The following FLT4 variants were observed in gnomAD, a reference collection of about 807,000 sequenced individuals.
FLT4 encodes vascular endothelial growth factor receptor 3.
A neutral mutation model predicts 163.2 loss-of-function variants in FLT4; 30 were observed. The ratio of observed to expected loss-of-function variants is 0.18; its 90% CI spans 0.14 to 0.25. FLT4 has a LOEUF of 0.25. FLT4 is among the 10% of genes least tolerant of loss of function. The probability of loss-of-function intolerance (pLI) is 1.00; values close to 1 mark genes in which losing one functional copy is unlikely to be tolerated. For synonymous variants in FLT4, 884 were observed against 789.5 expected (o/e 1.12, Z -2.01); for missense variants, 1,510 against 1,863.8 (o/e 0.81, Z 3.50).
chr5:180,602,401 G>T lies in FLT4; in HGVS notation c.*791C>A. 1 of 371,804 alleles carries T rather than the reference G, an allele frequency of 2.7e-6. No individual in the cohort carries two copies. The highest frequency in any genetic ancestry group is 4.8e-6 in the Non-Finnish European group (1 of 209,328). 23.0% of individuals were successfully genotyped at this position (371,804 alleles called of 1,614,324 possible). On this transcript the variant is annotated 3_prime_UTR_variant, in exon 30 of 30. Transcript: ENST00000261937. Reference sequence around the variant, plus strand: ...CTCTGCTGGCCTTGACCTGGGGCGGGGGTCAGAGTCATCTAGACTCAGTAC... The same window carrying T: ...CTCTGCTGGCCTTGACCTGGGGCGGTGGTCAGAGTCATCTAGACTCAGTAC...
chr5:180,632,140 T>G (rs531746923), intron 1 of FLT4, among the ~76,000 whole-genome samples: 182 of 152,278 alleles, frequency 1.2e-3, no homozygotes, highest in African/African-American at 3.8e-3. Context: ...TCACGGCCCC[T>G]GCAGTGCTGC....
chr5:180,609,228 G>T, intron 28 of FLT4, 175 bp from the exon 29 acceptor site: 1 of 654,160 alleles, frequency 1.5e-6, no homozygotes. Flanking sequence ...AGGGTCACAT[G>T]CCCCTGCCAC....
chr5:180,634,612 G>T (rs1764411098), intron 1 of FLT4, among the ~76,000 whole-genome samples: 1 of 148,490 alleles, frequency 6.7e-6, no homozygotes, highest in South Asian at 2.1e-4. Context: ...GGAGAATGGC[G>T]TGAAGCCGGG....
intron 1 of FLT4, among the ~76,000 whole-genome samples, chr5:180,634,240 C>A (rs750057173): frequency 4.6e-5 from 7 of 152,334 alleles, no homozygotes; most frequent in Admixed American, 1.3e-4. Context: ...CTAGTTCAGA[C>A]GCCCTCATCA....
At chr5:180,634,452 C>T (rs1764400177) in intron 1 of FLT4, among the ~76,000 whole-genome samples, 2 of 152,096 alleles carry the variant, frequency 1.3e-5, no homozygotes, top group African/African-American at 4.8e-5. Context: ...CCTGTCATCC[C>T]AGCACTTTGG....
chr5:180,613,155 G>T (rs761577810), intron 24 of FLT4, 45 bp from the exon 25 acceptor site: 19 of 1,397,860 alleles, frequency 1.4e-5, no homozygotes, highest in Non-Finnish European at 1.7e-5. Flanking sequence ...GCCTCCTGCG[G>T]CTCAGCCCAG....
intron 1 of FLT4, among the ~76,000 whole-genome samples, chr5:180,643,019 A>G (rs957705122): frequency 2.0e-5 from 3 of 152,246 alleles, no homozygotes; most frequent in African/African-American, 7.2e-5. Flanking sequence ...AACGCATTCC[A>G]AAACACATGA....
Position 180,649,599 on chromosome 5 carries a change from G to A in FLT4, c.-54C>T, listed in dbSNP as rs1367530377. 2 of 1,132,900 alleles carry A rather than the reference G, an allele frequency of 1.8e-6. No homozygotes were observed. Among genetic ancestry groups the A allele is most frequent in the Non-Finnish European group, 1.1e-6 (1 of 905,934 alleles). 70.2% of individuals were successfully genotyped at this position (1,132,900 alleles called of 1,614,324 possible). On this transcript the variant is annotated 5_prime_UTR_variant, in exon 1 of 30. Transcript: ENST00000261937. ...GAGCGGCCGCGGCTCGGGGCTGAAA[G>A]TGTCCGCGCGGGCGCCGGCTGGCCT... is the stretch of plus-strand genomic sequence containing the variant.
rs767945020 is a variant in FLT4 at position 180,621,111 on chromosome 5, T to G, written c.2162A>C (p.Lys721Thr). The change falls in exon 14 of 30, where the codon AAG (lysine) becomes ACG (threonine). Residue 721 changes from lysine (K) to threonine (T), a missense_variant. Around this residue, in one of 5 missense-constraint regions of FLT4, gnomAD observed 878 missense variants for 1,016.7 expected, o/e 0.86. Transcript: ENST00000261937. ...WYKDERLLEE[K>T]SGVDLADSNQ... ...GCCAGGGCCACCCTCCCTACCAGACTTTTCCTCCAGCAGCCTCTCGTCTTT... is the reference window on the plus strand; with the variant it reads ...GCCAGGGCCACCCTCCCTACCAGACGTTTCCTCCAGCAGCCTCTCGTCTTT... 6.2e-7 allele frequency: 1 copy of G among 1,612,730 alleles called. No homozygotes were observed. Among genetic ancestry groups the G allele is most frequent in the Non-Finnish European group, 8.5e-7 (1 of 1,179,960 alleles).
In FLT4 at chr5:180,627,981, C is replaced by T. The variant is rs559075037; in HGVS notation, c.1103+901G>A. ...CCTGGGCCTTCCATCCCAGGAGAGA[C>T]GAGCCCCCAGCCAGTGCAAGGGGCC... On this transcript the variant is annotated intron_variant, in intron 8 of 29. Coordinates refer to ENST00000261937, the MANE Select transcript of FLT4 (RefSeq NM_182925.5). Among the ~76,000 whole-genome samples, 7 of 152,212 alleles carry T rather than the reference C, an allele frequency of 4.6e-5. No individual in the cohort carries two copies. In the East Asian group the frequency reaches 5.8e-4, roughly 13 times the overall value.
At chr5:180,646,884 A>G (rs1306409288) in intron 1 of FLT4, among the ~76,000 whole-genome samples, 2 of 152,138 alleles carry the variant, frequency 1.3e-5, no homozygotes, top group Non-Finnish European at 2.9e-5. Flanking sequence ...ATGCTCTGGG[A>G]GGGCTCAGGA....
Position 180,611,417 on chromosome 5 carries a change from C to T in FLT4, c.3600G>A (p.Ser1200=), listed in dbSNP as rs779186080. The T allele has an allele frequency of 1.1e-5, 17 of 1,613,870 alleles. No homozygotes were observed. The South Asian group carries it at 1.3e-4, about 13-fold the overall frequency. ...SSQSSEEGSF[S]QVSTMALHIA... Reference sequence around the variant, plus strand: ...TGTGTAGGGCCATGGTGGACACCTGCGAGAAGCTGCCCTCTTCTGAGCTCT... The same window carrying T: ...TGTGTAGGGCCATGGTGGACACCTGTGAGAAGCTGCCCTCTTCTGAGCTCT... The change falls in exon 27 of 30, where the codon TCG becomes TCA. Residue 1200 remains serine, a synonymous_variant. Transcript: ENST00000261937.
Position 180,603,540 on chromosome 5 carries a change from C to T in FLT4, c.3894-150G>A, listed in dbSNP as rs1044735329. 2.1e-5 allele frequency: 15 copies of T among 731,300 alleles called. No homozygotes were observed. In the Admixed American group the frequency reaches 2.6e-4, roughly 13 times the overall value. 45.3% of individuals were successfully genotyped at this position (731,300 alleles called of 1,614,324 possible). A position where few individuals can be genotyped will look rare whatever the true frequency, so the allele number is the denominator to read the frequency against. ...CAGCCCAGGCAACATGGGGAAACCCCGTCTCTACAAAAAATACAAAAATTA... is the reference window on the plus strand; with the variant it reads ...CAGCCCAGGCAACATGGGGAAACCCTGTCTCTACAAAAAATACAAAAATTA... On this transcript the variant is annotated intron_variant, in intron 29 of 29. Transcript: ENST00000261937.
In FLT4 at chr5:180,620,769, C is replaced by T. The variant is rs1338438270; in HGVS notation, c.2300-54G>A. 4 of 1,595,836 alleles carry T rather than the reference C, an allele frequency of 2.5e-6. No individual in the cohort carries two copies. The highest frequency in any genetic ancestry group is 2.7e-5 in the African/African-American group (2 of 74,566). Reference sequence around the variant, plus strand: ...GTGTGTGTGTGTGTAAGAGCGTGCACCTGCAGGCAGCACCCCTTCTGGTGG... The same window carrying T: ...GTGTGTGTGTGTGTAAGAGCGTGCATCTGCAGGCAGCACCCCTTCTGGTGG... On this transcript the variant is annotated intron_variant, in intron 15 of 29. Transcript: ENST00000261937. The surrounding 1 kb of genome is among the most constrained non-coding windows in gnomAD (Gnocchi z 4.4).
Position 180,601,808 on chromosome 5 carries a change from C to T in FLT4, c.*1384G>A, listed in dbSNP as rs1283494244. The T allele has an allele frequency of 4.3e-6, 1 of 233,330 alleles. No homozygotes were observed. Among genetic ancestry groups the T allele is most frequent in the Non-Finnish European group, 8.5e-6 (1 of 118,112 alleles). The allele number at this position is 233,330 out of a possible 1,614,324, so 14.5% of individuals were successfully genotyped here. A position where few individuals can be genotyped will look rare whatever the true frequency, so the allele number is the denominator to read the frequency against. On this transcript the variant is annotated 3_prime_UTR_variant, in exon 30 of 30. Coordinates refer to ENST00000261937, the MANE Select transcript of FLT4 (RefSeq NM_182925.5). ...GACCTTATACGTGCACTCGGCATATCCTGGAGTAACGCGCAGTGGGGGAGG... is the reference window on the plus strand; with the variant it reads ...GACCTTATACGTGCACTCGGCATATTCTGGAGTAACGCGCAGTGGGGGAGG...
chr5:180,602,208 T>G lies in FLT4; in HGVS notation c.*984A>C, dbSNP rs1761551882. On this transcript the variant is annotated 3_prime_UTR_variant, in exon 30 of 30. Coordinates refer to ENST00000261937, the MANE Select transcript of FLT4 (RefSeq NM_182925.5). ...TGTGCCAGCCCCGAGCCTTCCTGAG[T>G]GGATCCCACAGTGTTCATCTCTCAT... is the stretch of plus-strand genomic sequence containing the variant. 4.2e-6 allele frequency: 1 copy of G among 236,968 alleles called. No individual in the cohort carries two copies. The highest frequency in any genetic ancestry group is 2.2e-5 in the African/African-American group (1 of 45,414). 14.7% of individuals were successfully genotyped at this position (236,968 alleles called of 1,614,324 possible).
chr5:180,620,763 C>T lies in FLT4; in HGVS notation c.2300-48G>A, dbSNP rs772616751. 7 of 1,586,112 alleles carry T rather than the reference C, an allele frequency of 4.4e-6. No individual in the cohort carries two copies. The highest frequency in any genetic ancestry group is 2.2e-5 in the South Asian group (2 of 90,100). On this transcript the variant is annotated intron_variant, in intron 15 of 29. Transcript: ENST00000261937. The surrounding 1 kb of genome is among the most constrained non-coding windows in gnomAD (Gnocchi z 4.4). ...GCGTGTGTGTGTGTGTGTGTAAGAG[C>T]GTGCACCTGCAGGCAGCACCCCTTC... is the stretch of plus-strand genomic sequence containing the variant.
chr5:180,603,474 G>T (rs2127781927), intron 29 of FLT4, 84 bp from the exon 30 acceptor site: 1 of 1,262,196 alleles, frequency 7.9e-7, no homozygotes, highest in Non-Finnish European at 1.1e-6. Context: ...GTACTTGGGA[G>T]GCCTAGGCAG....
chr5:180,619,503 C>T (rs763190226), intron 18 of FLT4, 137 bp from the exon 19 acceptor site: 1 of 950,260 alleles, frequency 1.1e-6, no homozygotes. Flanking sequence ...AGAGGGGGTT[C>T]GGGTGGTCCC....
Sources: allele counts gnomAD v4.1 joint callset (sites outside exome capture counted in the v4.1 genomes callset), GRCh38; gene constraint gnomAD v4.1.1; regional missense constraint gnomAD v4.1.1; non-coding constraint Gnocchi (gnomAD v3.1); transcripts MANE v1.5; gene names NCBI Gene and HGNC (gene_info 2026-07-23, HGNC 2026-07-21).